ZNF804B: variants seen among roughly 807,000 people sequenced by gnomAD.
ZNF804B encodes the protein zinc finger 804B.
In ZNF804B, 80 loss-of-function variants were observed where a neutral mutation model predicts 101.4. That is an observed-to-expected ratio of 0.79 (90% CI 0.66 to 0.95). The LOEUF is 0.95. Among genes scored for constraint, ZNF804B ranks in the 40% least tolerant of loss-of-function variants. ZNF804B has a pLI of 0.00. For missense variants in ZNF804B, 1,673 were observed against 1,561.9 expected (o/e 1.07, Z -1.20); for synonymous variants, 622 against 558.8 (o/e 1.11, Z -1.59).
At chr7:88,964,844 G>A (rs1793432590) in intron 1 of ZNF804B, among the ~76,000 whole-genome samples, 1 of 151,366 alleles carries the variant, frequency 6.6e-6, no homozygotes, top group African/African-American at 2.4e-5. Flanking sequence ...AGAGAGCAGA[G>A]CTCCACAGCT....
chr7:88,807,167 T>C (rs1790705031), intron 1 of ZNF804B, among the ~76,000 whole-genome samples: 1 of 152,228 alleles, frequency 6.6e-6, no homozygotes, highest in African/African-American at 2.4e-5. Flanking sequence ...AACTAAAGCA[T>C]AGCCATGCTC....
At chr7:88,824,840 C>G (rs1388948981) in intron 1 of ZNF804B, among the ~76,000 whole-genome samples, 1 of 152,118 alleles carries the variant, frequency 6.6e-6, no homozygotes, top group Non-Finnish European at 1.5e-5. Flanking sequence ...ATAATACGAT[C>G]AAAGACTTAC....
chr7:88,857,785 A>ATTC (rs1791588449), intron 1 of ZNF804B, among the ~76,000 whole-genome samples: 1 of 139,026 alleles, frequency 7.2e-6, no homozygotes, highest in Admixed American at 7.2e-5. Context: ...CTGATACCAA[A>ATTC]TTCTTTCTTC....
chr7:88,840,802 T>A (rs917917013), intron 1 of ZNF804B, among the ~76,000 whole-genome samples: 2 of 152,138 alleles, frequency 1.3e-5, no homozygotes, highest in Admixed American at 1.3e-4. Flanking sequence ...CAAGCTTTCT[T>A]AATGAGTGAG....
chr7:88,875,591 T>C (rs1420497315), intron 1 of ZNF804B, among the ~76,000 whole-genome samples: 7 of 151,388 alleles, frequency 4.6e-5, no homozygotes, highest in Non-Finnish European at 7.4e-5. Flanking sequence ...ACACATACAC[T>C]CTCCCAAGAC....
chr7:88,896,865 T>C (rs556502536), intron 1 of ZNF804B, among the ~76,000 whole-genome samples: 2 of 152,324 alleles, frequency 1.3e-5, no homozygotes, highest in South Asian at 2.1e-4. Context: ...TGAAAGGGTA[T>C]GCTTTGAGAA....
intron 1 of ZNF804B, among the ~76,000 whole-genome samples, chr7:89,026,260 T>C (rs961731536): frequency 6.6e-6 from 1 of 152,108 alleles, no homozygotes; most frequent in African/African-American, 2.4e-5. Context: ...TAATGCTCAA[T>C]AATTAGATAG....
chr7:88,910,205 G>A (rs1359642714), intron 1 of ZNF804B, among the ~76,000 whole-genome samples: 1 of 151,574 alleles, frequency 6.6e-6, no homozygotes, highest in African/African-American at 2.4e-5. Flanking sequence ...CTCACCATTG[G>A]GAATTAAAAA....
At chr7:89,024,517 A>G (rs903830194) in intron 1 of ZNF804B, among the ~76,000 whole-genome samples, 4 of 151,476 alleles carry the variant, frequency 2.6e-5, no homozygotes, top group African/African-American at 7.3e-5. Flanking sequence ...ATTAGTATAC[A>G]TTTGGCTGTT....
intron 2 of ZNF804B, among the ~76,000 whole-genome samples, chr7:89,245,635 C>T (rs1032210032): frequency 4.0e-5 from 6 of 151,860 alleles, no homozygotes; most frequent in African/African-American, 1.5e-4. Flanking sequence ...TTTATTTTTC[C>T]AAGATGGTGG....
chr7:88,986,940 A>T (rs1338650309), intron 1 of ZNF804B, among the ~76,000 whole-genome samples: 2 of 152,108 alleles, frequency 1.3e-5, no homozygotes, highest in Non-Finnish European at 2.9e-5. Flanking sequence ...ATTTCCAAGT[A>T]AATCAATGTT....
At chr7:89,095,183 AGGGATTT>A (rs1355957930) in intron 1 of ZNF804B, among the ~76,000 whole-genome samples, 36 of 152,054 alleles carry the variant, frequency 2.4e-4, no homozygotes, top group African/African-American at 8.5e-4. Flanking sequence ...GCCCTTATAA[AGGGATTT>A]GATGGAGAGG....
intron 1 of ZNF804B, among the ~76,000 whole-genome samples, chr7:89,211,970 C>A (rs1387940512): frequency 1.3e-5 from 2 of 152,070 alleles, no homozygotes; most frequent in African/African-American, 4.8e-5. Context: ...TTTTTCCTAT[C>A]CATGAGCATG....
rs562678633 is a variant in ZNF804B, at chr7:89,071,148, G to GA, written c.109-147001dup. ...TGTGTTGTTTCAGGAGTATTGACAAGAAAAAACTATGTACATGTTCAATAC... is the reference window on the plus strand; with the variant it reads ...TGTGTTGTTTCAGGAGTATTGACAAGAAAAAAACTATGTACATGTTCAATAC... On this transcript the variant is annotated intron_variant, in intron 1 of 3. Coordinates refer to ENST00000333190, the MANE Select transcript of ZNF804B (RefSeq NM_181646.5). Among the ~76,000 whole-genome samples, 341 of 152,116 alleles carry GA rather than the reference G, an allele frequency of 2.2e-3. 2 individuals carry two copies. Among genetic ancestry groups the GA allele is most frequent in the African/African-American group, 7.8e-3 (324 of 41,530 alleles).
chr7:88,990,710 C>T (rs1584057720), intron 1 of ZNF804B, among the ~76,000 whole-genome samples: 1 of 152,150 alleles, frequency 6.6e-6, no homozygotes, highest in East Asian at 1.9e-4. Flanking sequence ...TGAGAGTGAG[C>T]ACTCCTATCC....
intron 1 of ZNF804B, among the ~76,000 whole-genome samples, chr7:88,941,776 G>T (rs578075807): frequency 6.6e-6 from 1 of 152,066 alleles, no homozygotes; most frequent in African/African-American, 2.4e-5. Flanking sequence ...AGATAATGTT[G>T]TGTGGATGAA....
intron 1 of ZNF804B, among the ~76,000 whole-genome samples, chr7:89,075,298 G>A (rs1028937182): frequency 6.6e-5 from 10 of 152,214 alleles, no homozygotes; most frequent in African/African-American, 2.4e-4. Context: ...AGGCCTAGGA[G>A]GAAAAAATGG....
intron 1 of ZNF804B, among the ~76,000 whole-genome samples, chr7:88,926,360 G>T (rs905112267): frequency 6.6e-6 from 1 of 151,696 alleles, no homozygotes; most frequent in Non-Finnish European, 1.5e-5. Flanking sequence ...GCTGAGGCAG[G>T]CGGATCACTT....
intron 1 of ZNF804B, among the ~76,000 whole-genome samples, chr7:89,084,981 A>T (rs1583977083): frequency 6.6e-6 from 1 of 151,906 alleles, no homozygotes; most frequent in Non-Finnish European, 1.5e-5. Context: ...AAAGAAAAAG[A>T]CAAATATGGA....
Sources: gnomAD v4.1 joint callset for allele counts (sites outside exome capture counted in the v4.1 genomes callset) on GRCh38, gnomAD v4.1.1 for gene constraint, MANE v1.5 for transcripts, NCBI Gene and HGNC (gene_info 2026-07-23, HGNC 2026-07-21) for gene names.